NBPF9: variants seen among roughly 807,000 people sequenced by gnomAD.
NBPF9 encodes NBPF family member NBPF9.
Under a neutral mutation model 97.8 loss-of-function variants are expected in NBPF9, and 91 were observed. That is an observed-to-expected ratio of 0.93 (90% CI 0.79 to 1.11). The LOEUF is 1.11. Ranked by LOEUF, NBPF9 falls within the 50% of genes least tolerant of loss-of-function variation. The pLI is 0.00. For synonymous variants in NBPF9, 334 were observed against 359.5 expected (o/e 0.93, Z 0.80); for missense variants, 992 against 939.5 (o/e 1.06, Z -0.73).
intron 12 of NBPF9, among the ~76,000 whole-genome samples, chr1:149,075,045 C>T (rs2079738859): frequency 6.6e-6 from 1 of 151,398 alleles, no homozygotes; most frequent in South Asian, 2.1e-4. Flanking sequence ...CTCCTGACCT[C>T]ATGATCTGCC....
chr1:149,055,638 C>G lies in NBPF9; in HGVS notation c.*18G>C. 3 of 1,611,678 alleles carry G rather than the reference C, an allele frequency of 1.9e-6. No homozygotes were observed. The South Asian group carries it at 3.3e-5, about 18-fold the overall frequency. On this transcript the variant is annotated 3_prime_UTR_variant, in exon 30 of 30. Coordinates refer to ENST00000584027, the Ensembl canonical transcript of NBPF9. ...TCCTGCCTGCAGGAATGACATCTCT[C>G]GGCTTAGTAAGGGCTGCTTATTGTG...
At chr1:149,100,589 T>C (rs1184719270) in intron 3 of NBPF9, among the ~76,000 whole-genome samples, 238 of 151,842 alleles carry the variant, frequency 1.6e-3, no homozygotes, top group Middle Eastern at 6.8e-3. Context: ...AGGAAAAGGA[T>C]AGTCTTTTCA....
At chr1:149,077,807 A>C (rs2080030052) in intron 10 of NBPF9, 76 bp downstream of exon 10, 1 of 1,585,196 alleles carries the variant, frequency 6.3e-7, no homozygotes, top group South Asian at 1.1e-5. Flanking sequence ...CCCACCATAG[A>C]TGCCAGAGAG....
rs1176845926 is a variant in NBPF9, at chr1:149,063,628, C to T, written c.2026+5G>A. Reference sequence around the variant, plus strand: ...TCCTTATCACCTTCATAGAAAGGTACTCACCATCCATGTCAACAGCCAAGC... The same window carrying T: ...TCCTTATCACCTTCATAGAAAGGTATTCACCATCCATGTCAACAGCCAAGC... On this transcript the variant is annotated splice_donor_5th_base_variant and intron_variant, in intron 20 of 29. Coordinates refer to ENST00000584027, the Ensembl canonical transcript of NBPF9. The T allele has an allele frequency of 3.3e-6, 2 of 609,586 alleles. No homozygotes were observed. The highest frequency in any genetic ancestry group is 5.7e-6 in the Non-Finnish European group (2 of 351,892). 37.8% of individuals were successfully genotyped at this position (609,586 alleles called of 1,614,324 possible). A position where few individuals can be genotyped will look rare whatever the true frequency, so the allele number is the denominator to read the frequency against.
chr1:149,053,920 A>C (rs1457206544), downstream of NBPF9: 1 of 146,522 alleles, frequency 6.8e-6, no homozygotes, highest in African/African-American at 2.6e-5. Flanking sequence ...ACACAGACAC[A>C]CACACACTCA....
At chr1:149,089,031 C>T (rs2081232933) in intron 5 of NBPF9, among the ~76,000 whole-genome samples, 1 of 151,388 alleles carries the variant, frequency 6.6e-6, no homozygotes, top group Non-Finnish European at 1.5e-5. Flanking sequence ...GTAACCACCA[C>T]ATGTCCCTGC....
At chr1:149,093,316 C>T (rs1479571210) in intron 4 of NBPF9, among the ~76,000 whole-genome samples, 17 of 151,956 alleles carry the variant, frequency 1.1e-4, no homozygotes, top group African/African-American at 3.9e-4. Context: ...TCGGGCTTTA[C>T]ACCGAGACAT....
Position 149,061,921 on chromosome 1 carries a change from C to T in NBPF9, c.2251+172G>A, listed in dbSNP as rs2152870781. On this transcript the variant is annotated intron_variant, in intron 22 of 29. Coordinates refer to ENST00000584027, the Ensembl canonical transcript of NBPF9. ...TGGAGCCTTGCTCACTGACCCATTT[C>T]ATGTCTAGGCTTCCAGCTGAGACTA... 8.6e-6 allele frequency: 4 copies of T among 465,980 alleles called. 1 individual carries two copies. Among genetic ancestry groups the T allele is most frequent in the South Asian group, 2.2e-5 (1 of 46,248 alleles). The allele number at this position is 465,980 out of a possible 1,614,324, so 28.9% of individuals were successfully genotyped here. A position where few individuals can be genotyped will look rare whatever the true frequency, so the allele number is the denominator to read the frequency against.
intron 3 of NBPF9, among the ~76,000 whole-genome samples, chr1:149,100,998 G>A (rs1321104582): frequency 6.6e-6 from 1 of 151,362 alleles, no homozygotes; most frequent in Non-Finnish European, 1.5e-5. Context: ...AGAAAAATGT[G>A]TTCATACTCC....
intron 21 of NBPF9, 101 bp downstream of exon 21, chr1:149,062,761 C>A (rs1175508851): frequency 7.7e-6 from 6 of 775,376 alleles, no homozygotes; most frequent in African/African-American, 6.8e-5. Context: ...GTAATTCAAC[C>A]TCCGTTGAAA....
At chr1:149,081,417 C>A (rs1426509339) in intron 7 of NBPF9, among the ~76,000 whole-genome samples, 9 of 150,608 alleles carry the variant, frequency 6.0e-5, no homozygotes, top group Admixed American at 3.3e-4. Flanking sequence ...GTTGCACGGC[C>A]CCTACTCCCT....
chr1:149,060,479 G>A, intron 24 of NBPF9, 44 bp downstream of exon 24: 1 of 290,534 alleles, frequency 3.4e-6, no homozygotes, highest in Non-Finnish European at 6.0e-6. Flanking sequence ...TCTTTATATG[G>A]AAGACTCAGT....
At chr1:149,072,534 T>C (rs1284828988) in intron 14 of NBPF9, among the ~76,000 whole-genome samples, 184 bp downstream of exon 14, 1 of 152,156 alleles carries the variant, frequency 6.6e-6, no homozygotes, top group Admixed American at 6.5e-5. Flanking sequence ...CTTGCAATAA[T>C]GTGACCTCCA....
intron 27 of NBPF9, among the ~76,000 whole-genome samples, chr1:149,057,725 AC>A (rs2078304177): frequency 1.1e-5 from 1 of 93,770 alleles, no homozygotes; most frequent in Non-Finnish European, 2.3e-5. Flanking sequence ...ACACACACAC[AC>A]ACACACACAC....
At chr1:149,095,690 A>G (rs1352705734) in intron 4 of NBPF9, among the ~76,000 whole-genome samples, 2 of 151,756 alleles carry the variant, frequency 1.3e-5, no homozygotes, top group African/African-American at 4.9e-5. Flanking sequence ...ATGGCAAATA[A>G]GCATATGAGA....
chr1:149,073,186 T>C (rs1255867000), intron 13 of NBPF9, among the ~76,000 whole-genome samples: 1 of 148,490 alleles, frequency 6.7e-6, no homozygotes, highest in Non-Finnish European at 1.5e-5. Flanking sequence ...CAAAAGTAGG[T>C]GTTTTCCTAA....
chr1:149,056,105 AAGACAG>A (rs1320197532), intron 29 of NBPF9, among the ~76,000 whole-genome samples: 2 of 111,002 alleles, frequency 1.8e-5, no homozygotes, highest in African/African-American at 6.5e-5. Context: ...CAGAGAGAGA[AAGACAG>A]AGACAGAGAC....
At chr1:149,068,060 A>G (rs2079143958) in intron 17 of NBPF9, among the ~76,000 whole-genome samples, 1 of 146,894 alleles carries the variant, frequency 6.8e-6, no homozygotes, top group Non-Finnish European at 1.5e-5. Flanking sequence ...TAAATCCTTT[A>G]CAGAGAAGCA....
chr1:149,075,741 T>G (rs2079808613), exon 12 of NBPF9: 3 of 1,601,152 alleles, frequency 1.9e-6, no homozygotes, highest in Non-Finnish European at 2.6e-6. Context: ...CTGTTTCTTC[T>G]CTGCCAGCTG....
Sources: gnomAD v4.1 joint callset for allele counts (sites outside exome capture counted in the v4.1 genomes callset) on GRCh38, gnomAD v4.1.1 for gene constraint, MANE v1.5 for transcripts, NCBI Gene and HGNC (gene_info 2026-07-23, HGNC 2026-07-21) for gene names.